The following PPP4R2 variants were observed in gnomAD, a reference collection of about 807,000 sequenced individuals.
The protein encoded by PPP4R2 is protein phosphatase 4 regulatory subunit 2, also known as serine/threonine-protein phosphatase 4 regulatory subunit 2.
Under a neutral mutation model 47.2 loss-of-function variants are expected in PPP4R2, and 13 were observed. That is an observed-to-expected ratio of 0.28 (90% CI 0.18 to 0.44). PPP4R2 has a LOEUF of 0.44. PPP4R2 is among the 20% of genes least tolerant of loss of function. PPP4R2 has a pLI of 1.00. For missense variants in PPP4R2, 421 were observed against 491.2 expected (o/e 0.86, Z 1.35); for synonymous variants, 151 against 163.3 (o/e 0.92, Z 0.57).
chr3:73,021,180 A>G (rs886354368), intron 2 of PPP4R2, among the ~76,000 whole-genome samples: 1 of 152,058 alleles, frequency 6.6e-6, no homozygotes, highest in Non-Finnish European at 1.5e-5. Context: ...AGCTCACTTA[A>G]AAAGAGTAGG....
chr3:73,004,288 G>T, intron 2 of PPP4R2, among the ~76,000 whole-genome samples: 1 of 151,072 alleles, frequency 6.6e-6, no homozygotes, highest in East Asian at 2.0e-4. Flanking sequence ...CTATCCTCCC[G>T]CCTGTGCCTC....
chr3:73,040,735 ACTGCTGATCTCAGGTGAT>A (rs1702361857), intron 2 of PPP4R2, among the ~76,000 whole-genome samples: 2 of 152,060 alleles, frequency 1.3e-5, no homozygotes, highest in African/African-American at 4.8e-5. Flanking sequence ...CTGGTCTTGA[ACTGCTGATCTCAGGTGAT>A]CTGCCTGCCT....
chr3:73,040,436 A>G (rs982745379), intron 2 of PPP4R2, among the ~76,000 whole-genome samples: 3 of 151,838 alleles, frequency 2.0e-5, no homozygotes, highest in South Asian at 4.2e-4. Flanking sequence ...AGGGTTTATT[A>G]TTAGGCTGTT....
At chr3:73,044,603 T>G (rs889081962) in intron 2 of PPP4R2, among the ~76,000 whole-genome samples, 1 of 152,118 alleles carries the variant, frequency 6.6e-6, no homozygotes, top group African/African-American at 2.4e-5. Context: ...AGTTTCAGTT[T>G]CTCTACATCC....
chr3:73,008,614 C>T (rs1245845297), intron 2 of PPP4R2, among the ~76,000 whole-genome samples: 3 of 152,102 alleles, frequency 2.0e-5, no homozygotes, highest in African/African-American at 7.2e-5. Context: ...CTTGGTGAGA[C>T]TTTGGACAAA....
chr3:73,061,372 C>A (rs2637751), intron 5 of PPP4R2: 213 of 174,122 alleles, frequency 1.2e-3, no homozygotes, highest in Admixed American at 1.4e-3. Context: ...CAGGGTGTCT[C>A]TAGGGCATAA....
At chr3:73,055,764 G>A (rs1035979573) in intron 3 of PPP4R2, among the ~76,000 whole-genome samples, 9 of 151,692 alleles carry the variant, frequency 5.9e-5, no homozygotes, top group African/African-American at 2.2e-4. Context: ...CACCGCCCAG[G>A]TTCAAGCAAT....
intron 2 of PPP4R2, among the ~76,000 whole-genome samples, chr3:73,006,426 G>A (rs985177157): frequency 3.9e-5 from 6 of 151,928 alleles, no homozygotes; most frequent in East Asian, 1.9e-4. Flanking sequence ...TCCTGACCTC[G>A]TAATCCACCT....
intron 7 of PPP4R2, 61 bp downstream of exon 7, chr3:73,064,207 C>A: frequency 7.4e-7 from 1 of 1,359,240 alleles, no homozygotes. Context: ...AACATTTAAT[C>A]AGTACTTATC....
At chr3:73,006,335 G>A (rs1167249651) in intron 2 of PPP4R2, among the ~76,000 whole-genome samples, 6 of 151,530 alleles carry the variant, frequency 4.0e-5, no homozygotes, top group Non-Finnish European at 8.8e-5. Context: ...GGTAGCTGGG[G>A]CCACAGGCGC....
intron 2 of PPP4R2, among the ~76,000 whole-genome samples, chr3:73,035,152 T>G (rs1013973852): frequency 6.6e-6 from 1 of 152,220 alleles, no homozygotes; most frequent in African/African-American, 2.4e-5. Flanking sequence ...CATACAGGTA[T>G]GTGAAAATAT....
At chr3:73,016,729 G>GTTTCTT (rs752008242) in intron 2 of PPP4R2, among the ~76,000 whole-genome samples, 1,319 of 69,704 alleles carry the variant, frequency 0.019, 237 homozygotes, top group African/African-American at 0.045. Flanking sequence ...TTGGTTCATT[G>GTTTCTT]TTTATTTTTA....
At chr3:72,999,025 G>A (rs189461079) in intron 2 of PPP4R2, among the ~76,000 whole-genome samples, 1 of 152,124 alleles carries the variant, frequency 6.6e-6, no homozygotes, top group African/African-American at 2.4e-5. Flanking sequence ...ATTAGCAAGT[G>A]TTCATTTCTC....
chr3:73,046,763 T>G (rs1043828713), intron 2 of PPP4R2, among the ~76,000 whole-genome samples: 2 of 152,224 alleles, frequency 1.3e-5, no homozygotes, highest in African/African-American at 4.8e-5. Flanking sequence ...AGACAAATTT[T>G]ACTAGTCCAT....
intron 2 of PPP4R2, among the ~76,000 whole-genome samples, chr3:73,042,361 C>CTT (rs10709279): frequency 8.6e-4 from 65 of 75,884 alleles, no homozygotes; most frequent in African/African-American, 1.6e-3. Context: ...AATATAATTT[C>CTT]TTTTTTTTTT....
At chr3:73,011,894 T>C (rs1460310262) in intron 2 of PPP4R2, among the ~76,000 whole-genome samples, 2 of 152,324 alleles carry the variant, frequency 1.3e-5, no homozygotes, top group Non-Finnish European at 2.9e-5. Context: ...TATTCCCATT[T>C]GTAGGTGATG....
chr3:73,031,875 C>T (rs916020587), intron 2 of PPP4R2, among the ~76,000 whole-genome samples: 4 of 152,182 alleles, frequency 2.6e-5, no homozygotes, highest in African/African-American at 9.6e-5. Flanking sequence ...GAATAACGAC[C>T]ATTGGGTGCT....
At chr3:73,013,495 A>G (rs1365208150) in intron 2 of PPP4R2, among the ~76,000 whole-genome samples, 2 of 151,984 alleles carry the variant, frequency 1.3e-5, no homozygotes, top group Non-Finnish European at 2.9e-5. Context: ...GTAAGAAAAA[A>G]AATCAAACTA....
chr3:73,027,829 A>G (rs1291434893), intron 2 of PPP4R2: 1 of 151,552 alleles, frequency 6.6e-6, no homozygotes, highest in African/African-American at 2.4e-5. Flanking sequence ...CTCTTTTAGA[A>G]TTTGTCTAGT....
Sources: gnomAD v4.1 joint callset for allele counts (sites outside exome capture counted in the v4.1 genomes callset) on GRCh38, gnomAD v4.1.1 for gene constraint, MANE v1.5 for transcripts, NCBI Gene and HGNC (gene_info 2026-07-23, HGNC 2026-07-21) for gene names.